Variants in ACER3 observed in about 807,000 individuals in gnomAD.
The protein encoded by ACER3 is alkaline ceramidase 3, also known as alkCDase 3.
Under a neutral mutation model 48.9 loss-of-function variants are expected in ACER3, and 16 were observed. The ratio of observed to expected loss-of-function variants is 0.33; its 90% CI spans 0.22 to 0.50. ACER3 has a LOEUF of 0.50. Among genes scored for constraint, ACER3 ranks in the 20% least tolerant of loss-of-function variants. ACER3 has a pLI of 0.98. For missense variants in ACER3, 227 were observed against 326.0 expected (o/e 0.70, Z 2.34); for synonymous variants, 109 against 107.8 (o/e 1.01, Z -0.07).
chr11:76,901,339 A>G (rs1338797909), intron 1 of ACER3, among the ~76,000 whole-genome samples: 1 of 152,042 alleles, frequency 6.6e-6, no homozygotes, highest in African/African-American at 2.4e-5. Flanking sequence ...GGGACAAAGC[A>G]TCAATGGAAC....
intron 1 of ACER3, among the ~76,000 whole-genome samples, chr11:76,870,590 C>A (rs1945218714): frequency 6.6e-6 from 1 of 152,148 alleles, no homozygotes; most frequent in Non-Finnish European, 1.5e-5. Context: ...CTATTTTAAC[C>A]TTTTCATTAT....
chr11:77,001,896 G>GAA (rs1949038734), intron 7 of ACER3, among the ~76,000 whole-genome samples: 1 of 152,100 alleles, frequency 6.6e-6, no homozygotes, highest in Non-Finnish European at 1.5e-5. Flanking sequence ...TTTTCTCACA[G>GAA]TTCTGGAGGC....
intron 6 of ACER3, among the ~76,000 whole-genome samples, chr11:76,995,412 C>G (rs572482855): frequency 2.1e-4 from 32 of 152,262 alleles, no homozygotes; most frequent in Non-Finnish European, 4.0e-4. Context: ...TACAGCCCAT[C>G]CTTCTCTGTG....
At chr11:76,984,759 C>A (rs1948653990) in intron 4 of ACER3, among the ~76,000 whole-genome samples, 1 of 152,122 alleles carries the variant, frequency 6.6e-6, no homozygotes. Context: ...CAATAATATT[C>A]CTTAGGAATC....
intron 1 of ACER3, among the ~76,000 whole-genome samples, chr11:76,885,358 A>G (rs1945646020): frequency 6.6e-6 from 1 of 152,082 alleles, no homozygotes; most frequent in African/African-American, 2.4e-5. Flanking sequence ...AGATGTGCAT[A>G]TGCCATGCTG....
intron 3 of ACER3, among the ~76,000 whole-genome samples, chr11:76,961,058 C>T (rs991503623): frequency 1.3e-5 from 2 of 151,950 alleles, no homozygotes; most frequent in African/African-American, 4.8e-5. Context: ...CAGCCCAGCA[C>T]CAAGTGTTGG....
rs1222660161 is a variant in ACER3, at chr11:77,026,423, C to CA, written c.*6097dup. On this transcript the variant is annotated 3_prime_UTR_variant, in exon 11 of 11. Coordinates refer to ENST00000532485, the MANE Select transcript of ACER3 (RefSeq NM_018367.7). ...ATTATCTATTTTTGCTTAATGGACTCATGTGGCATTGTTCACTATCATGCC... is the reference window on the plus strand; with the variant it reads ...ATTATCTATTTTTGCTTAATGGACTCAATGTGGCATTGTTCACTATCATGCC... 6.6e-6 allele frequency: 1 copy of CA among 152,206 alleles called. No individual in the cohort carries two copies. Among genetic ancestry groups the CA allele is most frequent in the Non-Finnish European group, 1.5e-5 (1 of 68,040 alleles). The allele number at this position is 152,206 out of a possible 1,614,324, so 9.4% of individuals were successfully genotyped here.
At chr11:76,926,760 T>C (rs1946841426) in intron 2 of ACER3, 93 bp downstream of exon 2, 1 of 803,512 alleles carries the variant, frequency 1.2e-6, no homozygotes, top group Non-Finnish European at 2.0e-6. Flanking sequence ...TTTTGTGTTA[T>C]TACATAACTT....
At chr11:76,995,296 T>C (rs1948889194) in intron 6 of ACER3, among the ~76,000 whole-genome samples, 1 of 152,178 alleles carries the variant, frequency 6.6e-6, no homozygotes, top group South Asian at 2.1e-4. Flanking sequence ...CTGCCTAGGA[T>C]ACTAGTACCC....
chr11:76,872,598 G>A (rs1032759804), intron 1 of ACER3, among the ~76,000 whole-genome samples: 2 of 152,176 alleles, frequency 1.3e-5, no homozygotes, highest in African/African-American at 2.4e-5. Flanking sequence ...TCCATGTTTA[G>A]TAGTTTCTCA....
At chr11:76,930,245 A>C (rs1019364539) in intron 2 of ACER3, among the ~76,000 whole-genome samples, 1 of 152,080 alleles carries the variant, frequency 6.6e-6, no homozygotes. Flanking sequence ...TTTCTAGTTT[A>C]TTTGCATAGA....
chr11:77,011,229 G>A, intron 7 of ACER3: 6 of 533,276 alleles, frequency 1.1e-5, no homozygotes, highest in Non-Finnish European at 1.4e-5. Context: ...TATATGAGTA[G>A]TAAGTCCCCT....
At chr11:76,951,932 C>T (rs1947680165) in intron 2 of ACER3, among the ~76,000 whole-genome samples, 3 of 152,076 alleles carry the variant, frequency 2.0e-5, no homozygotes. Flanking sequence ...CAGTATGATC[C>T]AAAAGCTGAT....
At position 76,967,698 on chromosome 11, in the gene ACER3, T is replaced by C. The variant is rs1159040465; in HGVS notation, c.268-8591T>C. 1.2e-4 allele frequency among the ~76,000 whole-genome samples: 18 copies of C among 152,320 alleles called. No individual in the cohort carries two copies. In the East Asian group the frequency reaches 3.5e-3, roughly 29 times the overall value. On this transcript the variant is annotated intron_variant, in intron 3 of 10. Coordinates refer to ENST00000532485, the MANE Select transcript of ACER3 (RefSeq NM_018367.7). Reference sequence around the variant, plus strand: ...AGAACCAAAGACAAAAACCACATGGTTATCACAATAGATGCAGCAAAGGCC... The same window carrying C: ...AGAACCAAAGACAAAAACCACATGGCTATCACAATAGATGCAGCAAAGGCC...
chr11:76,907,020 C>A lies in ACER3; in HGVS notation c.104-19537C>A, dbSNP rs145904423. Among the ~76,000 whole-genome samples, 3 of 152,094 alleles carry A rather than the reference C, an allele frequency of 2.0e-5. No individual in the cohort carries two copies. In the East Asian group the frequency reaches 5.8e-4, roughly 29 times the overall value. On this transcript the variant is annotated intron_variant, in intron 1 of 10. Coordinates refer to ENST00000532485, the MANE Select transcript of ACER3 (RefSeq NM_018367.7). ...TTCTTCAATTGAAAAAAAAGCGTCA[C>A]GTTGTATAGCATCTGGTGCAAAATA...
At chr11:76,928,147 G>A (rs550200546) in intron 2 of ACER3, among the ~76,000 whole-genome samples, 7 of 152,062 alleles carry the variant, frequency 4.6e-5, no homozygotes, top group Admixed American at 1.3e-4. Flanking sequence ...TTTAATGATC[G>A]CCATTCTAAC....
chr11:76,989,124 T>C (rs560385322), intron 5 of ACER3, among the ~76,000 whole-genome samples: 53 of 152,276 alleles, frequency 3.5e-4, no homozygotes, highest in Middle Eastern at 3.4e-3. Flanking sequence ...AAATGGAAAT[T>C]AGTATTTTGA....
chr11:76,949,002 C>T (rs887501014), intron 2 of ACER3, among the ~76,000 whole-genome samples: 1 of 152,176 alleles, frequency 6.6e-6, no homozygotes, highest in South Asian at 2.1e-4. Flanking sequence ...AGTGATAAAT[C>T]TGGGATTCTA....
chr11:76,920,051 G>A (rs1006564069), intron 1 of ACER3, among the ~76,000 whole-genome samples: 4 of 152,194 alleles, frequency 2.6e-5, no homozygotes, highest in African/African-American at 7.2e-5. Flanking sequence ...GGGCGCCAGA[G>A]AGACATTGCA....
Sources: gnomAD v4.1 joint callset for allele counts (sites outside exome capture counted in the v4.1 genomes callset) on GRCh38, gnomAD v4.1.1 for gene constraint, MANE v1.5 for transcripts, NCBI Gene and HGNC (gene_info 2026-07-23, HGNC 2026-07-21) for gene names.